ABCA4: variants seen among roughly 807,000 people sequenced by gnomAD.
The protein encoded by ABCA4 is retinal-specific phospholipid-transporting ATPase ABCA4.
Under a neutral mutation model 263.7 loss-of-function variants are expected in ABCA4, and 196 were observed. That is an observed-to-expected ratio of 0.74 (90% CI 0.66 to 0.84). ABCA4 has a LOEUF of 0.84. Among genes scored for constraint, ABCA4 ranks in the 40% least tolerant of loss-of-function variants. The pLI is 0.00. For synonymous variants in ABCA4, 1,133 were observed against 1,094.2 expected (o/e 1.04, Z -0.70); for missense variants, 2,792 against 2,855.1 (o/e 0.98, Z 0.50).
At chr1:94,080,071 C>T (rs1253443666) in intron 8 of ABCA4, among the ~76,000 whole-genome samples, 2 of 152,042 alleles carry the variant, frequency 1.3e-5, no homozygotes, top group African/African-American at 4.8e-5. Context: ...CAGTACTACA[C>T]ACATAGATTT....
chr1:94,037,501 A>T, intron 24 of ABCA4, 151 bp from the exon 25 acceptor site: 1 of 769,720 alleles, frequency 1.3e-6, no homozygotes, highest in Non-Finnish European at 2.2e-6. Context: ...CTGATGCTCC[A>T]TCAAGTCTGC....
At chr1:94,120,887 G>GCCCCACCACCATA (rs1662928910) in intron 1 of ABCA4, 93 bp downstream of exon 1, 1 of 330,472 alleles carries the variant, frequency 3.0e-6, no homozygotes, top group African/African-American at 3.3e-5. Flanking sequence ...CCCCCACCCT[G>GCCCCACCACCATA]CCCCACCACC....
intron 26 of ABCA4, 54 bp from the exon 27 acceptor site, chr1:94,032,097 T>G: frequency 6.3e-7 from 1 of 1,596,432 alleles, no homozygotes; most frequent in Non-Finnish European, 8.5e-7. Context: ...GGTCTGGATC[T>G]CTAATGCCAT....
At chr1:94,041,108 GGTGGCGAGAGCCT>G in intron 23 of ABCA4, 88 bp downstream of exon 23, 10 of 1,196,150 alleles carry the variant, frequency 8.4e-6, no homozygotes, top group Non-Finnish European at 1.2e-5. Context: ...CACTGATTCT[GGTGGCGAGAGCCT>G]GTGTGAGTAG....
Position 94,031,070 on chromosome 1 carries a change from A to G in ABCA4, c.4179T>C (p.Val1393=). Residue 1393 remains valine (V), a synonymous_variant, in exon 28 of 50, where the codon GTT becomes GTC. Transcript: ENST00000370225. ...CGGGGTATTCGCCAAAAGGAGGGAT[A>G]ACAATAGAAAGCATCAGAGCCAAAA... ...FVFLALMLSI[V]IPPFGEYPAL... 1.2e-6 allele frequency: 2 copies of G among 1,614,180 alleles called. No homozygotes were observed. The highest frequency in any genetic ancestry group is 2.2e-5 in the South Asian group (2 of 91,058).
chr1:94,053,268 A>G (rs1211554546), intron 16 of ABCA4, among the ~76,000 whole-genome samples: 1 of 152,214 alleles, frequency 6.6e-6, no homozygotes, highest in Non-Finnish European at 1.5e-5. Context: ...TCCAGCTGGC[A>G]TCTGAAGACG....
At chr1:94,006,209 A>G (rs1369074188) in intron 43 of ABCA4, among the ~76,000 whole-genome samples, 1 of 152,236 alleles carries the variant, frequency 6.6e-6, no homozygotes, top group Non-Finnish European at 1.5e-5. Flanking sequence ...GGGTCTATGA[A>G]TAAAGGATGG....
intron 6 of ABCA4, among the ~76,000 whole-genome samples, chr1:94,095,963 C>T (rs1662115676): frequency 1.3e-5 from 2 of 151,924 alleles, no homozygotes; most frequent in African/African-American, 4.8e-5. Flanking sequence ...TCTGGGCCAT[C>T]TCCCGGTCCA....
intron 13 of ABCA4, among the ~76,000 whole-genome samples, chr1:94,061,687 G>A (rs987943797): frequency 4.6e-5 from 7 of 152,126 alleles, no homozygotes; most frequent in Non-Finnish European, 8.8e-5. Flanking sequence ...AGCCACTCCC[G>A]TCCTGATCCT....
chr1:94,084,053 C>T (rs1321335906), intron 6 of ABCA4, among the ~76,000 whole-genome samples: 1 of 152,234 alleles, frequency 6.6e-6, no homozygotes. Flanking sequence ...CCCATGTGAA[C>T]TCACCACTGC....
rs11582150 is a variant in ABCA4, at chr1:94,036,508, C to T, written c.3862+232G>A. On this transcript the variant is annotated intron_variant, in intron 26 of 49. Coordinates refer to ENST00000370225, the MANE Select transcript of ABCA4 (RefSeq NM_000350.3). ...TCTCCTGCCTCAGCCTCCCGAGTAG[C>T]TGGAATTACAGGTGCGCGCCACCAC... Among the ~76,000 whole-genome samples the T allele has an allele frequency of 3.2e-3, 492 of 151,972 alleles. No individual in the cohort carries two copies. Among genetic ancestry groups the T allele is most frequent in the Non-Finnish European group, 4.0e-3 (274 of 67,966 alleles).
intron 42 of ABCA4, 77 bp from the exon 43 acceptor site, chr1:94,007,817 G>A: frequency 7.3e-7 from 1 of 1,368,316 alleles, no homozygotes; most frequent in South Asian, 1.2e-5. Flanking sequence ...GTAAGTGTGT[G>A]TGTGAGCTGG....
intron 30 of ABCA4, among the ~76,000 whole-genome samples, chr1:94,027,644 C>A (rs1042087440): frequency 2.0e-5 from 3 of 152,060 alleles, no homozygotes; most frequent in Non-Finnish European, 4.4e-5. Context: ...GTGTTCTTGG[C>A]CTAGAACCAT....
intron 15 of ABCA4, among the ~76,000 whole-genome samples, chr1:94,055,896 C>T (rs1213815356): frequency 6.6e-6 from 1 of 152,202 alleles, no homozygotes; most frequent in Non-Finnish European, 1.5e-5. Context: ...GACTCTACAG[C>T]ACAGAGACAG....
Position 94,040,080 on chromosome 1 carries a change from G to C in ABCA4, c.3570C>G (p.Ala1190=). 1 of 1,610,056 alleles carries C rather than the reference G, an allele frequency of 6.2e-7. No homozygotes were observed. The highest frequency in any genetic ancestry group is 8.5e-7 in the Non-Finnish European group (1 of 1,178,066). ...SSKGFSTTCP[A]HVDDLTPEQV... is the part of the protein sequence containing the mutation. ...GTTCTGGAGTTAGGTCATCGACGTGGGCTGGACACGTGGTGGAGAAACCCT... is the reference window on the plus strand; with the variant it reads ...GTTCTGGAGTTAGGTCATCGACGTGCGCTGGACACGTGGTGGAGAAACCCT... Residue 1190 remains alanine, a synonymous_variant, in exon 24 of 50, where the codon GCC becomes GCG. Transcript: ENST00000370225.
intron 6 of ABCA4, among the ~76,000 whole-genome samples, chr1:94,087,668 T>C (rs1661867918): frequency 6.6e-6 from 1 of 152,098 alleles, no homozygotes. Context: ...CCTGTGGTGC[T>C]CCAAACCCCT....
At chr1:94,079,274 C>A in intron 9 of ABCA4, 48 bp downstream of exon 9, 1 of 1,609,722 alleles carries the variant, frequency 6.2e-7, no homozygotes, top group Non-Finnish European at 8.5e-7. Context: ...CACACACACA[C>A]TTCTGGGAGG....
Position 93,993,093 on chromosome 1 carries a change from G to C in ABCA4, c.*144C>G. 1 of 1,071,836 alleles carries C rather than the reference G, an allele frequency of 9.3e-7. No individual in the cohort carries two copies. The highest frequency in any genetic ancestry group is 1.4e-6 in the Non-Finnish European group (1 of 719,544). 66.4% of individuals were successfully genotyped at this position (1,071,836 alleles called of 1,614,324 possible). ...TGAAAGACCTCTTTCTGAATTCGCT[G>C]CATGCTCCTCGTGTGTTTGTTTTCT... On this transcript the variant is annotated 3_prime_UTR_variant, in exon 50 of 50. Coordinates refer to ENST00000370225, the MANE Select transcript of ABCA4 (RefSeq NM_000350.3).
intron 19 of ABCA4, among the ~76,000 whole-genome samples, chr1:94,046,580 A>G (rs1232949042): frequency 6.6e-6 from 1 of 152,078 alleles, no homozygotes; most frequent in Admixed American, 6.5e-5. Context: ...ATGGGGGGAA[A>G]GACTCAAGGT....
Sources: gnomAD v4.1 joint callset for allele counts (sites outside exome capture counted in the v4.1 genomes callset) on GRCh38, gnomAD v4.1.1 for gene constraint, MANE v1.5 for transcripts, NCBI Gene and HGNC (gene_info 2026-07-23, HGNC 2026-07-21) for gene names.